Variants in NEB observed in about 807,000 individuals in gnomAD.
NEB encodes the protein nemaline myopathy type 2.
A neutral mutation model predicts 952.2 loss-of-function variants in NEB; 512 were observed. That is an observed-to-expected ratio of 0.54 (90% confidence interval 0.50 to 0.58). The LOEUF (loss-of-function observed/expected upper bound fraction) is 0.58, where lower values mean the gene tolerates loss of function less well. NEB is among the 20% of genes least tolerant of loss of function. NEB has a pLI of 0.00. For missense variants in NEB, 8,428 were observed against 9,231.1 expected, an observed-to-expected ratio of 0.91 and a Z score of 3.56; for synonymous variants, 2,900 against 3,149.8, an observed-to-expected ratio of 0.92 and a Z score of 2.66.
intron 9 of NEB, among the ~76,000 whole-genome samples, chr2:151,717,786 C>A (rs1577562316): frequency 6.6e-6 from 1 of 152,118 alleles, no homozygotes; most frequent in Admixed American, 6.5e-5. Context: ...AACTCCCAAC[C>A]CCTTGTCTTT....
chr2:151,655,956 T>C lies in NEB; in HGVS notation c.6563A>G (p.Glu2188Gly), dbSNP rs1233126664. 3 of 1,613,782 alleles carry C rather than the reference T, an allele frequency of 1.9e-6. No homozygotes were observed. The highest frequency in any genetic ancestry group is 1.7e-6 in the Non-Finnish European group (2 of 1,179,786). ...GLGWSPAGSL[E>G]VEKAKKATEY... is the part of the protein sequence containing the mutation. ...AGTTGCTTTCTTGGCCTTCTCCACT[T>C]CCAGAGAACCTGCTGGACTCCAGCC... The change falls in exon 50 of 182, where the codon GAA becomes GGA. Residue 2188 changes from glutamate (E) to glycine (G), a missense_variant. Transcript: ENST00000397345.
rs200918570 is a variant in NEB at position 151,526,166 on chromosome 2, C to T, written c.22042G>A (p.Val7348Met). ...ILLAKTVSNL[V>M]SENKYKDHVK... ...GGGCGGCTGGGGGTTACCTCAGACA[C>T]CAGGTTGCTGACAGTCTTCGCCAGC... Residue 7348 changes from valine to methionine, a missense_variant, in exon 149 of 182, where the codon GTG (valine) becomes ATG (methionine). Val to Met is a conservative substitution (Grantham distance 21, BLOSUM62 1). Transcript: ENST00000397345. 2.5e-6 allele frequency: 4 copies of T among 1,613,934 alleles called. No individual in the cohort carries two copies. Among genetic ancestry groups the T allele is most frequent in the Non-Finnish European group, 3.4e-6 (4 of 1,179,832 alleles).
chr2:151,549,588 C>T, intron 130 of NEB, 48 bp downstream of exon 130: 9 of 1,257,288 alleles, frequency 7.2e-6, no homozygotes, highest in Non-Finnish European at 1.0e-5. Flanking sequence ...TATGAGTCTC[C>T]TGCCACCCCA....
chr2:151,498,378 CAAA>C, intron 169 of NEB, 26 bp from the exon 170 acceptor site: 2 of 1,472,816 alleles, frequency 1.4e-6, no homozygotes, highest in South Asian at 2.5e-5. Context: ...GCATCCAGAA[CAAA>C]AAAAGCAATC....
chr2:151,579,032 G>A (rs567659738), intron 105 of NEB, among the ~76,000 whole-genome samples: 2 of 122,480 alleles, frequency 1.6e-5, no homozygotes, highest in South Asian at 5.7e-4. Context: ...AGTGGGCTGA[G>A]ATTGCACCAC....
intron 124 of NEB, among the ~76,000 whole-genome samples, chr2:151,559,554 A>G (rs990704111): frequency 7.9e-5 from 12 of 152,234 alleles, no homozygotes; most frequent in African/African-American, 2.7e-4. Flanking sequence ...ATGCCCATCA[A>G]TGATAGACTG....
chr2:151,725,620 C>G, intron 5 of NEB, 60 bp from the exon 6 acceptor site: 1 of 1,309,102 alleles, frequency 7.6e-7, no homozygotes, highest in Non-Finnish European at 1.1e-6. Flanking sequence ...AGGCAACATA[C>G]TCACCCCATT....
intron 165 of NEB, 74 bp downstream of exon 165, chr2:151,505,404 A>G: frequency 7.9e-7 from 1 of 1,263,912 alleles, no homozygotes. Flanking sequence ...GGAAGCAGAA[A>G]GATGAGAGAG....
chr2:151,505,636 G>A, intron 164 of NEB, 66 bp from the exon 165 acceptor site: 1 of 1,339,956 alleles, frequency 7.5e-7, no homozygotes, highest in Non-Finnish European at 1.1e-6. Context: ...TTCCCAACAT[G>A]TACATGTTTT....
intron 138 of NEB, among the ~76,000 whole-genome samples, chr2:151,539,197 T>C (rs1030164072): frequency 2.6e-5 from 4 of 152,200 alleles, no homozygotes; most frequent in Admixed American, 6.5e-5. Context: ...CTGTAAGATA[T>C]TAATTCAGCT....
Position 151,569,374 on chromosome 2 carries a change from T to A in NEB, c.17431-2A>T, listed in dbSNP as rs2096546757. The A allele has an allele frequency of 6.2e-7, 1 of 1,612,578 alleles. No individual in the cohort carries two copies. The highest frequency in any genetic ancestry group is 8.5e-7 in the Non-Finnish European group (1 of 1,178,764). On this transcript the variant is annotated splice_acceptor_variant, in intron 109 of 181. Transcript: ENST00000397345. LOFTEE classifies it high-confidence loss of function. ...TTCCAAGTCAGCCTTGTAAACATTC[T>A]GTGAAAACAGGGCCAGAATGAGTTC...
Position 151,694,554 on chromosome 2 carries a change from C to A in NEB, c.1750G>T (p.Ala584Ser), listed in dbSNP as rs2099581865. 5.6e-6 allele frequency: 9 copies of A among 1,612,470 alleles called. No individual in the cohort carries two copies. Among genetic ancestry groups the A allele is most frequent in the Non-Finnish European group, 7.6e-6 (9 of 1,179,018 alleles). ...GTGTTCTTGGTGTTGGCTTTGGCTGCCAGCAGGGGAATGGCATCCACTTTA... is the reference window on the plus strand; with the variant it reads ...GTGTTCTTGGTGTTGGCTTTGGCTGACAGCAGGGGAATGGCATCCACTTTA... ...DIKVDAIPLL[A>S]AKANTKNTSD... The change falls in exon 19 of 182, where the codon GCA becomes TCA. Residue 584 changes from alanine (A) to serine (S), a missense_variant. By Grantham distance (99) the Ala-to-Ser change is moderately conservative. Coordinates refer to ENST00000397345, the MANE Select transcript of NEB (RefSeq NM_001164508.2).
At chr2:151,668,899 A>T in intron 39 of NEB, 128 bp downstream of exon 39, 1 of 661,910 alleles carries the variant, frequency 1.5e-6, no homozygotes, top group Non-Finnish European at 2.5e-6. Flanking sequence ...TTGCATGGTT[A>T]AGGGTTTAAT....
intron 181 of NEB, among the ~76,000 whole-genome samples, chr2:151,488,593 C>T (rs1438526044): frequency 6.6e-6 from 1 of 152,014 alleles, no homozygotes; most frequent in Non-Finnish European, 1.5e-5. Flanking sequence ...CTGCAGCGAG[C>T]TGTGATCATG....
chr2:151,639,140 G>A (rs1239983582), intron 63 of NEB, 140 bp downstream of exon 63: 3 of 608,712 alleles, frequency 4.9e-6, no homozygotes, highest in Non-Finnish European at 8.3e-6. Flanking sequence ...TTATGATGGT[G>A]ATTGAGAAAT....
Position 151,626,317 on chromosome 2 carries a change from G to A in NEB, c.10348-679C>T, listed in dbSNP as rs2098524179. Among the ~76,000 whole-genome samples the A allele has an allele frequency of 2.6e-5, 4 of 151,978 alleles. No homozygotes were observed. The South Asian group carries it at 8.3e-4, about 32-fold the overall frequency. On this transcript the variant is annotated intron_variant, in intron 70 of 181. Coordinates refer to ENST00000397345, the MANE Select transcript of NEB (RefSeq NM_001164508.2). ...TTTTGTAGAGACAGGGTTTCAACAT[G>A]CTGCCCAGGCTAATCTCAAACTGCT...
rs983243238 is a variant in NEB, at chr2:151,635,972, G to C, written c.9102+255C>G. On this transcript the variant is annotated intron_variant, in intron 64 of 181. Transcript: ENST00000397345. ...CCAAGCCTGCAGCTTCACTCTAACA[G>C]GGTCCACATGAATGAATCTTTCTCT... Among the ~76,000 whole-genome samples the C allele has an allele frequency of 1.4e-4, 22 of 152,170 alleles. 1 individual carries two copies. Among genetic ancestry groups the C allele is most frequent in the African/African-American group, 5.1e-4 (21 of 41,442 alleles).
chr2:151,722,233 A>T (rs1221376435), intron 9 of NEB, among the ~76,000 whole-genome samples: 1 of 152,244 alleles, frequency 6.6e-6, no homozygotes, highest in Non-Finnish European at 1.5e-5. Context: ...AGACTGGAGT[A>T]GCAGTCTGGA....
At chr2:151,554,092 G>C in intron 125 of NEB, 67 bp from the exon 126 acceptor site, 1 of 1,487,684 alleles carries the variant, frequency 6.7e-7, no homozygotes, top group Non-Finnish European at 9.4e-7. Flanking sequence ...CCATACATGA[G>C]AAGTCAGGCT....
Sources: allele counts gnomAD v4.1 joint callset (sites outside exome capture counted in the v4.1 genomes callset), GRCh38; gene constraint gnomAD v4.1.1; transcripts MANE v1.5; gene names NCBI Gene and HGNC (gene_info 2026-07-23, HGNC 2026-07-21).